Variants in PITPNC1 observed in about 807,000 individuals in gnomAD.
PITPNC1 encodes phosphatidylinositol transfer protein cytoplasmic 1.
A neutral mutation model predicts 44.7 loss-of-function variants in PITPNC1; 18 were observed. The observed-to-expected ratio is 0.40, with a 90% CI of 0.28 to 0.60. PITPNC1 has a LOEUF of 0.60. PITPNC1 is among the 20% of genes least tolerant of loss of function. The pLI is 0.39. For synonymous variants in PITPNC1, 141 were observed against 149.6 expected (o/e 0.94, Z 0.42); for missense variants, 290 against 418.4 (o/e 0.69, Z 2.68).
intron 4 of PITPNC1, among the ~76,000 whole-genome samples, chr17:67,574,492 G>A (rs1258266222): frequency 6.6e-6 from 1 of 152,184 alleles, no homozygotes; most frequent in East Asian, 1.9e-4. Context: ...CCAGGCAAGG[G>A]ACCTTGAGAG....
At chr17:67,549,228 C>T (rs563487637) in intron 2 of PITPNC1, among the ~76,000 whole-genome samples, 24 of 152,138 alleles carry the variant, frequency 1.6e-4, no homozygotes, top group African/African-American at 4.8e-4. Flanking sequence ...CCGAGGCGGG[C>T]GGATCACCTG....
intron 1 of PITPNC1, among the ~76,000 whole-genome samples, chr17:67,522,643 A>G (rs1283060256): frequency 1.5e-5 from 2 of 129,768 alleles, no homozygotes. Flanking sequence ...CATATCATAA[A>G]ATTTACCATT....
At chr17:67,672,397 G>C (rs1224974652) in intron 7 of PITPNC1, among the ~76,000 whole-genome samples, 1 of 151,732 alleles carries the variant, frequency 6.6e-6, no homozygotes, top group Admixed American at 6.6e-5. Flanking sequence ...GGAGTAGTTC[G>C]AGACCAGCCT....
intron 4 of PITPNC1, among the ~76,000 whole-genome samples, chr17:67,576,391 C>T (rs928979283): frequency 6.6e-6 from 1 of 152,068 alleles, no homozygotes; most frequent in Non-Finnish European, 1.5e-5. Flanking sequence ...GGATTGTTGC[C>T]AGGAATAAAT....
chr17:67,422,146 T>C (rs1427448932), intron 1 of PITPNC1, among the ~76,000 whole-genome samples: 1 of 152,068 alleles, frequency 6.6e-6, no homozygotes, highest in Admixed American at 6.6e-5. Flanking sequence ...TGTGCCAACA[T>C]ACGCTTCCAA....
chr17:67,459,175 T>C (rs904008163), intron 1 of PITPNC1, among the ~76,000 whole-genome samples: 4 of 144,746 alleles, frequency 2.8e-5, no homozygotes, highest in African/African-American at 1.0e-4. Flanking sequence ...TGGAGTGCAA[T>C]GGCTTGATCT....
At chr17:67,457,024 G>A (rs944719660) in intron 1 of PITPNC1, 1 of 151,550 alleles carries the variant, frequency 6.6e-6, no homozygotes, top group African/African-American at 2.4e-5. Context: ...TATTTATTTG[G>A]AAATGGGGTC....
intron 1 of PITPNC1, among the ~76,000 whole-genome samples, chr17:67,529,948 AAAAC>A (rs3048706): frequency 1.4e-4 from 22 of 151,842 alleles, no homozygotes; most frequent in Admixed American, 2.0e-4. Flanking sequence ...ACCCTGTCTC[AAAAC>A]AAACAAACAA....
intron 1 of PITPNC1, among the ~76,000 whole-genome samples, chr17:67,503,523 G>A (rs1230045811): frequency 6.6e-6 from 1 of 152,082 alleles, no homozygotes; most frequent in Non-Finnish European, 1.5e-5. Flanking sequence ...TTTCTCTGTA[G>A]GGGACAAGGG....
chr17:67,463,065 G>C (rs2039367067), intron 1 of PITPNC1, among the ~76,000 whole-genome samples: 1 of 152,206 alleles, frequency 6.6e-6, no homozygotes, highest in Non-Finnish European at 1.5e-5. Flanking sequence ...ACTTTGGTTT[G>C]CATATTATAG....
intron 6 of PITPNC1, among the ~76,000 whole-genome samples, chr17:67,654,036 T>C (rs1265862223): frequency 1.3e-5 from 2 of 152,114 alleles, no homozygotes; most frequent in Non-Finnish European, 2.9e-5. Context: ...GGCCCCCAGG[T>C]GAAATCGCCT....
At chr17:67,593,766 T>C (rs2041424304) in intron 5 of PITPNC1, among the ~76,000 whole-genome samples, 1 of 152,196 alleles carries the variant, frequency 6.6e-6, no homozygotes, top group Non-Finnish European at 1.5e-5. Flanking sequence ...GAGTCTTCTG[T>C]TCCATGAAAC....
At chr17:67,453,416 C>T (rs986995875) in intron 1 of PITPNC1, among the ~76,000 whole-genome samples, 1 of 152,058 alleles carries the variant, frequency 6.6e-6, no homozygotes, top group South Asian at 2.1e-4. Flanking sequence ...TGACTAAGAG[C>T]TTGTGGAGCA....
intron 6 of PITPNC1, among the ~76,000 whole-genome samples, chr17:67,648,917 G>A (rs1274680945): frequency 6.6e-6 from 1 of 152,166 alleles, no homozygotes; most frequent in Non-Finnish European, 1.5e-5. Context: ...ACTTTGGGAG[G>A]CCAAGGCGGG....
chr17:67,421,506 C>T (rs1264861184), intron 1 of PITPNC1, among the ~76,000 whole-genome samples: 2 of 152,176 alleles, frequency 1.3e-5, no homozygotes, highest in Non-Finnish European at 2.9e-5. Flanking sequence ...TGGTCTTGAA[C>T]TCCTGACCTC....
chr17:67,493,754 T>C (rs868263428), intron 1 of PITPNC1, among the ~76,000 whole-genome samples: 7 of 152,312 alleles, frequency 4.6e-5, no homozygotes, highest in South Asian at 2.1e-4. Flanking sequence ...ATGGGTGGGA[T>C]GGTAGCAACC....
intron 1 of PITPNC1, among the ~76,000 whole-genome samples, chr17:67,482,461 CT>C (rs2039717748): frequency 6.6e-6 from 1 of 151,970 alleles, no homozygotes; most frequent in African/African-American, 2.4e-5. Flanking sequence ...AATCTTTTGC[CT>C]TGAATCAGAT....
chr17:67,634,771 G>A (rs2042013244), intron 6 of PITPNC1, among the ~76,000 whole-genome samples: 1 of 152,052 alleles, frequency 6.6e-6, no homozygotes. Flanking sequence ...TGACATTTCA[G>A]GCCGGGCGCA....
chr17:67,416,820 T>C (rs769618665), intron 1 of PITPNC1, among the ~76,000 whole-genome samples: 4 of 152,180 alleles, frequency 2.6e-5, no homozygotes, highest in Non-Finnish European at 5.9e-5. Context: ...CTCTCTTTTT[T>C]TCTTTTTTTG....
Sources: gnomAD v4.1 joint callset for allele counts (sites outside exome capture counted in the v4.1 genomes callset) on GRCh38, gnomAD v4.1.1 for gene constraint, MANE v1.5 for transcripts, NCBI Gene and HGNC (gene_info 2026-07-23, HGNC 2026-07-21) for gene names.